The following LRRTM4 variants were observed in gnomAD, a reference collection of about 807,000 sequenced individuals.
LRRTM4 encodes leucine-rich repeat transmembrane neuronal protein 4.
A neutral mutation model predicts 47.6 loss-of-function variants in LRRTM4; 25 were observed. The observed-to-expected ratio is 0.53, with a 90% CI of 0.38 to 0.73. The LOEUF is 0.73. LRRTM4 is among the 30% of genes least tolerant of loss of function. The pLI is 0.00. For missense variants in LRRTM4, 638 were observed against 713.4 expected, an observed-to-expected ratio of 0.89 and a Z score of 1.20; for synonymous variants, 311 against 269.5, an observed-to-expected ratio of 1.15 and a Z score of -1.51.
At chr2:77,048,141 G>A (rs1234637577) in intron 3 of LRRTM4, among the ~76,000 whole-genome samples, 1 of 151,736 alleles carries the variant, frequency 6.6e-6, no homozygotes, top group Non-Finnish European at 1.5e-5. Context: ...ATTATGTTAG[G>A]GAAAAAATGA....
At chr2:77,386,478 A>C (rs1054230284) in intron 3 of LRRTM4, among the ~76,000 whole-genome samples, 12 of 152,172 alleles carry the variant, frequency 7.9e-5, no homozygotes, top group Non-Finnish European at 2.9e-5. Flanking sequence ...ATAGTACTCC[A>C]TGGTGTGTAT....
At chr2:77,336,461 A>G (rs1201869189) in intron 3 of LRRTM4, among the ~76,000 whole-genome samples, 3 of 152,130 alleles carry the variant, frequency 2.0e-5, no homozygotes, top group Admixed American at 6.6e-5. Flanking sequence ...TAGATGCAGG[A>G]ATCCTCAACA....
At chr2:77,385,342 A>G (rs2103801156) in intron 3 of LRRTM4, among the ~76,000 whole-genome samples, 1 of 152,280 alleles carries the variant, frequency 6.6e-6, no homozygotes, top group South Asian at 2.1e-4. Flanking sequence ...AACTACATTA[A>G]CAATAGGCAA....
At chr2:76,870,514 G>A (rs1018480677) in intron 3 of LRRTM4, among the ~76,000 whole-genome samples, 1 of 152,094 alleles carries the variant, frequency 6.6e-6, no homozygotes, top group Admixed American at 6.6e-5. Context: ...GGAGCAATAT[G>A]TCAAGCTTAG....
chr2:77,338,584 A>T (rs989345226), intron 3 of LRRTM4, among the ~76,000 whole-genome samples: 1 of 151,840 alleles, frequency 6.6e-6, no homozygotes, highest in Non-Finnish European at 1.5e-5. Flanking sequence ...TAAAAAGAAA[A>T]CAAAAAAACA....
chr2:77,146,779 A>C (rs1212703763), intron 3 of LRRTM4, among the ~76,000 whole-genome samples: 1 of 152,176 alleles, frequency 6.6e-6, no homozygotes, highest in Admixed American at 6.5e-5. Flanking sequence ...CAGTTAAATT[A>C]ATCTTAAATA....
intron 3 of LRRTM4, among the ~76,000 whole-genome samples, chr2:76,802,397 G>A (rs1675747220): frequency 6.6e-6 from 1 of 151,884 alleles, no homozygotes; most frequent in Admixed American, 6.6e-5. Flanking sequence ...ATAGTCTTAG[G>A]AAAAAATTTA....
intron 3 of LRRTM4, among the ~76,000 whole-genome samples, chr2:76,782,361 C>T (rs1443962939): frequency 6.6e-6 from 1 of 152,138 alleles, no homozygotes; most frequent in South Asian, 2.1e-4. Flanking sequence ...AATTTTATGA[C>T]TTTTCTTTGC....
At chr2:76,988,246 C>T (rs1676872305) in intron 3 of LRRTM4, among the ~76,000 whole-genome samples, 1 of 151,780 alleles carries the variant, frequency 6.6e-6, no homozygotes, top group African/African-American at 2.4e-5. Flanking sequence ...AAAGGCTCAA[C>T]TCGATAATTT....
chr2:77,400,303 G>C (rs1177489024), intron 3 of LRRTM4, among the ~76,000 whole-genome samples: 4 of 151,408 alleles, frequency 2.6e-5, no homozygotes, highest in African/African-American at 9.7e-5. Flanking sequence ...TCTACAATTT[G>C]CTCTAATGAC....
At chr2:76,990,128 G>A (rs72823154) in intron 3 of LRRTM4, among the ~76,000 whole-genome samples, 2 of 151,424 alleles carry the variant, frequency 1.3e-5, no homozygotes, top group East Asian at 3.9e-4. Context: ...TCTCAGGGTT[G>A]TTTTTGCAGG....
intron 3 of LRRTM4, among the ~76,000 whole-genome samples, chr2:76,816,425 TAGA>T (rs1275777636): frequency 3.3e-5 from 5 of 151,894 alleles, no homozygotes; most frequent in South Asian, 4.1e-4. Flanking sequence ...GAACTGAAAG[TAGA>T]AGAAGAAAAT....
At chr2:77,457,843 T>C (rs1676621041) in intron 3 of LRRTM4, among the ~76,000 whole-genome samples, 1 of 152,110 alleles carries the variant, frequency 6.6e-6, no homozygotes. Flanking sequence ...CTTCTTATCA[T>C]CATGCCTCAG....
chr2:77,299,956 A>G (rs1413442456), intron 3 of LRRTM4, among the ~76,000 whole-genome samples: 2 of 149,704 alleles, frequency 1.3e-5, no homozygotes, highest in Non-Finnish European at 2.9e-5. Context: ...GGTTCAAACG[A>G]TTCTCCTGCC....
intron 3 of LRRTM4, among the ~76,000 whole-genome samples, chr2:77,498,412 CA>C (rs1678445088): frequency 6.6e-6 from 1 of 151,782 alleles, no homozygotes; most frequent in African/African-American, 2.4e-5. Context: ...TTGGTGTGTT[CA>C]AAACCATTTA....
intron 3 of LRRTM4, among the ~76,000 whole-genome samples, chr2:76,775,548 G>C (rs949298110): frequency 6.6e-6 from 1 of 152,082 alleles, no homozygotes; most frequent in African/African-American, 2.4e-5. Flanking sequence ...TTTAAAAAAA[G>C]AGTTCTTGTT....
intron 3 of LRRTM4, among the ~76,000 whole-genome samples, chr2:77,206,727 A>G (rs1385301707): frequency 4.6e-5 from 7 of 152,012 alleles, no homozygotes; most frequent in African/African-American, 1.7e-4. Flanking sequence ...CAAGTAATCC[A>G]TCTACTTTGG....
intron 3 of LRRTM4, among the ~76,000 whole-genome samples, chr2:77,184,042 C>T (rs1045301409): frequency 2.0e-5 from 3 of 151,944 alleles, no homozygotes; most frequent in African/African-American, 7.3e-5. Context: ...TGTAATAAAC[C>T]TGCACATTGT....
chr2:77,320,080 G>A (rs1449983443), intron 3 of LRRTM4, among the ~76,000 whole-genome samples: 1 of 152,072 alleles, frequency 6.6e-6, no homozygotes, highest in Non-Finnish European at 1.5e-5. Flanking sequence ...ACTCTCCATT[G>A]TCCCTACTTT....
Sources: gnomAD v4.1 joint callset for allele counts (sites outside exome capture counted in the v4.1 genomes callset) on GRCh38, gnomAD v4.1.1 for gene constraint, MANE v1.5 for transcripts, NCBI Gene and HGNC (gene_info 2026-07-23, HGNC 2026-07-21) for gene names.